The following WWOX variants were observed in gnomAD, a reference collection of about 807,000 sequenced individuals.
WWOX encodes the protein WW domain-containing oxidoreductase.
Under a neutral mutation model 46.2 loss-of-function variants are expected in WWOX, and 69 were observed. That is an observed-to-expected ratio of 1.49 (90% CI 1.23 to 1.82). The LOEUF (loss-of-function observed/expected upper bound fraction) is 1.82, where lower values mean the gene tolerates loss of function less well. WWOX is among the 40% of genes most tolerant of loss of function. The pLI, the probability that WWOX is intolerant of heterozygous loss-of-function variation, is 0.00. For synonymous variants in WWOX, 359 were observed against 202.6 expected (o/e 1.77, Z -6.56); for missense variants, 919 against 542.6 (o/e 1.69, Z -6.89).
chr16:78,675,090 C>G (rs550738202), intron 8 of WWOX, among the ~76,000 whole-genome samples: 2 of 152,200 alleles, frequency 1.3e-5, no homozygotes, highest in Non-Finnish European at 2.9e-5. Flanking sequence ...CTAGGCAAGG[C>G]GCTGTGCTGA....
intron 8 of WWOX, among the ~76,000 whole-genome samples, chr16:78,715,896 G>T (rs933368988): frequency 6.6e-6 from 1 of 152,180 alleles, no homozygotes; most frequent in Non-Finnish European, 1.5e-5. Flanking sequence ...GGAATGCTGG[G>T]ATACGATGGA....
intron 8 of WWOX, among the ~76,000 whole-genome samples, chr16:78,523,847 C>T (rs1372411117): frequency 6.6e-6 from 1 of 152,178 alleles, no homozygotes; most frequent in Non-Finnish European, 1.5e-5. Flanking sequence ...AGGGGAGGCC[C>T]ATAGTGCAGC....
intron 8 of WWOX, among the ~76,000 whole-genome samples, chr16:79,170,892 C>T (rs935712104): frequency 2.0e-5 from 3 of 152,126 alleles, no homozygotes; most frequent in Admixed American, 6.5e-5. Flanking sequence ...TTCGTGGATT[C>T]CTGTGTGCTG....
intron 5 of WWOX, among the ~76,000 whole-genome samples, chr16:78,317,277 CTCTG>C (rs1435983018): frequency 2.0e-5 from 3 of 152,190 alleles, no homozygotes; most frequent in African/African-American, 4.8e-5. Context: ...CTCTCTCTCT[CTCTG>C]TCTGTCTCTC....
chr16:78,775,860 T>C (rs1159050976), intron 8 of WWOX, among the ~76,000 whole-genome samples: 2 of 152,240 alleles, frequency 1.3e-5, no homozygotes, highest in African/African-American at 4.8e-5. Context: ...CCCTGTCTTA[T>C]TGGATGTTGG....
intron 5 of WWOX, among the ~76,000 whole-genome samples, chr16:78,361,865 G>C (rs1392053095): frequency 6.6e-6 from 1 of 151,920 alleles, no homozygotes; most frequent in Admixed American, 6.6e-5. Context: ...TCCCACCTCG[G>C]ACTCCCAAAG....
Position 78,482,339 on chromosome 16 carries a change from G to A in WWOX, c.1056+49587G>A, listed in dbSNP as rs180724467. Among the ~76,000 whole-genome samples, 317 of 151,972 alleles carry A rather than the reference G, an allele frequency of 2.1e-3. 2 individuals are homozygous for A. Among genetic ancestry groups the A allele is most frequent in the Non-Finnish European group, 3.2e-3 (218 of 67,990 alleles). On this transcript the variant is annotated intron_variant, in intron 8 of 8. Transcript: ENST00000566780. ...CAACCTCTGTCGATTCTCCTTCCTC[G>A]GCCTCCGTAGTAGTCAGGACTACAG...
At chr16:78,189,995 C>G (rs2035833359) in intron 5 of WWOX, among the ~76,000 whole-genome samples, 1 of 152,160 alleles carries the variant, frequency 6.6e-6, no homozygotes, top group Non-Finnish European at 1.5e-5. Flanking sequence ...ACTTCCCACC[C>G]AAACCTTTCC....
chr16:79,183,783 C>A (rs971393883), intron 8 of WWOX, among the ~76,000 whole-genome samples: 2 of 152,180 alleles, frequency 1.3e-5, no homozygotes, highest in Admixed American at 1.3e-4. Context: ...ATCATCTGCC[C>A]TAGGTCCCAG....
chr16:78,910,111 C>T (rs2045069777), intron 8 of WWOX, among the ~76,000 whole-genome samples: 1 of 144,648 alleles, frequency 6.9e-6, no homozygotes, highest in South Asian at 2.2e-4. Flanking sequence ...ATCGTTTGTG[C>T]TTTGTTAAAT....
At chr16:78,507,485 T>C (rs150214799) in intron 8 of WWOX, among the ~76,000 whole-genome samples, 2 of 152,306 alleles carry the variant, frequency 1.3e-5, no homozygotes, top group African/African-American at 4.8e-5. Flanking sequence ...TCCACTCCGG[T>C]TGGTCCATAA....
chr16:78,870,438 G>A (rs926746890), intron 8 of WWOX, among the ~76,000 whole-genome samples: 2 of 151,960 alleles, frequency 1.3e-5, no homozygotes, highest in African/African-American at 4.8e-5. Flanking sequence ...CTGCCATCAT[G>A]GGGATAACCG....
intron 8 of WWOX, among the ~76,000 whole-genome samples, chr16:78,674,034 C>G (rs2047528793): frequency 6.6e-6 from 1 of 152,050 alleles, no homozygotes; most frequent in South Asian, 2.1e-4. Flanking sequence ...GCCCCCAAGA[C>G]TTTTTGGATT....
intron 1 of WWOX, among the ~76,000 whole-genome samples, chr16:78,102,191 C>T (rs960389635): frequency 2.6e-5 from 4 of 152,152 alleles, no homozygotes; most frequent in Admixed American, 2.0e-4. Context: ...AATCACAGGC[C>T]TGAGGCACTG....
At chr16:78,663,132 C>A (rs148251518) in intron 8 of WWOX, among the ~76,000 whole-genome samples, 2 of 151,866 alleles carry the variant, frequency 1.3e-5, no homozygotes, top group Non-Finnish European at 2.9e-5. Flanking sequence ...TAAAAGAAAC[C>A]CTGTACCCTT....
At chr16:78,373,987 A>C (rs560058866) in intron 5 of WWOX, among the ~76,000 whole-genome samples, 1 of 152,164 alleles carries the variant, frequency 6.6e-6, no homozygotes, top group African/African-American at 2.4e-5. Context: ...GAATTTCACC[A>C]TGTTGGCCAG....
At chr16:78,135,315 G>A (rs1293546409) in intron 4 of WWOX, among the ~76,000 whole-genome samples, 1 of 152,186 alleles carries the variant, frequency 6.6e-6, no homozygotes, top group African/African-American at 2.4e-5. Context: ...TACCAAGTGT[G>A]AGGGACTATT....
intron 8 of WWOX, among the ~76,000 whole-genome samples, chr16:78,950,721 C>G (rs551218216): frequency 9.3e-4 from 141 of 152,276 alleles, no homozygotes; most frequent in Non-Finnish European, 1.2e-3. Context: ...CTCTTAGACA[C>G]TCACGGTGAT....
At chr16:78,416,592 G>C (rs1383064399) in intron 6 of WWOX, among the ~76,000 whole-genome samples, 1 of 152,130 alleles carries the variant, frequency 6.6e-6, no homozygotes, top group Admixed American at 6.6e-5. Flanking sequence ...TCCTTGGTTT[G>C]CTGAGGTTTG....
Sources: allele counts gnomAD v4.1 joint callset (sites outside exome capture counted in the v4.1 genomes callset), GRCh38; gene constraint gnomAD v4.1.1; transcripts MANE v1.5; gene names NCBI Gene and HGNC (gene_info 2026-07-23, HGNC 2026-07-21).